Variants in CES5A observed in about 807,000 individuals in gnomAD.
CES5A encodes carboxylesterase 5.
CES5A carries 67 observed loss-of-function variants against 62.9 expected under a neutral mutation model. That is an observed-to-expected ratio of 1.07 (90% CI 0.88 to 1.31). The LOEUF (loss-of-function observed/expected upper bound fraction) is 1.31. Among genes scored for constraint, CES5A ranks in the 50% most tolerant of loss-of-function variants. CES5A has a pLI of 0.00. For synonymous variants in CES5A, 296 were observed against 280.8 expected, an observed-to-expected ratio of 1.05 and a Z score of -0.54; for missense variants, 748 against 708.5, an observed-to-expected ratio of 1.06 and a Z score of -0.63.
chr16:55,871,959 A>C, intron 2 of CES5A, 196 bp from the exon 3 acceptor site: 1 of 548,340 alleles, frequency 1.8e-6, no homozygotes, highest in Non-Finnish European at 3.3e-6. Flanking sequence ...TATAATTCTC[A>C]TTGATCTGGT....
chr16:55,867,934 C>T (rs572569385), intron 4 of CES5A, among the ~76,000 whole-genome samples: 1 of 152,312 alleles, frequency 6.6e-6, no homozygotes, highest in East Asian at 1.9e-4. Context: ...CAAGACAGTG[C>T]CTCCCAGTGG....
chr16:55,944,230 C>T lies in CES5A; in HGVS notation c.160+5555G>A, dbSNP rs3859110. 3.9e-3 allele frequency: 2,456 copies of T among 634,184 alleles called. 33 individuals carry two copies. The highest frequency in any genetic ancestry group is 0.021 in the African/African-American group (1,154 of 55,130). The allele number at this position is 634,184 out of a possible 1,614,324, so 39.3% of individuals were successfully genotyped here. ...GACAGTACGACTCTGAACAAGACCC[C>T]TCTCCTCCAGGGACTTTTTGCCTCA... On this transcript the variant is annotated intron_variant, in intron 2 of 13. Transcript: ENST00000521992.
upstream of CES5A, among the ~76,000 whole-genome samples, chr16:55,877,406 A>C (rs1567337658): frequency 6.6e-6 from 1 of 151,016 alleles, no homozygotes; most frequent in Non-Finnish European, 1.5e-5. Context: ...ACATGTATAC[A>C]TATGTGTGTG....
intron 2 of CES5A, among the ~76,000 whole-genome samples, chr16:55,939,333 C>T (rs978792266): frequency 6.6e-6 from 1 of 152,144 alleles, no homozygotes; most frequent in Admixed American, 6.5e-5. Flanking sequence ...ACTCACATCT[C>T]ATGAACTAAG....
Position 55,846,477 on chromosome 16 carries a change from G to A in CES5A, c.1702C>T (p.Pro568Ser), listed in dbSNP as rs539590082. The change falls in exon 13 of 13, where the codon CCT (proline) becomes TCT (serine). Residue 568 changes from proline (P) to serine (S), a missense_variant. Pro to Ser is a moderately conservative substitution (Grantham distance 74). Transcript: ENST00000290567. ...CAAGGAGCACAAAAGAAAAAGAAAG[G>A]CTGGAGGAGAGAGAGGAAAGTTAAG... ...SSLTFLSLLQPFFFFCAP is the reference protein window; with the variant it reads ...SSLTFLSLLQSFFFFCAP 1.2e-6 allele frequency: 2 copies of A among 1,613,764 alleles called. No homozygotes were observed. The highest frequency in any genetic ancestry group is 1.7e-6 in the Non-Finnish European group (2 of 1,179,700).
rs76802432 is a variant in CES5A, at chr16:55,872,556, A to G, written c.279-793T>C. On this transcript the variant is annotated intron_variant, in intron 2 of 12. Coordinates refer to ENST00000290567, the MANE Select transcript of CES5A (RefSeq NM_001143685.2). The stretch of plus-strand genomic sequence containing the variant: ...AGAGCACCAGCACAGAGCATGATAC[A>G]CCGTAAGATTAAGCAAGGCTGTAAA... 9.3e-3 allele frequency among the ~76,000 whole-genome samples: 1,412 copies of G among 152,302 alleles called. 27 individuals are homozygous for G. Among genetic ancestry groups the G allele is most frequent in the African/African-American group, 0.031 (1,307 of 41,562 alleles).
At chr16:55,897,476 C>T (rs944180662) in intron 1 of CES5A, among the ~76,000 whole-genome samples, 1 of 152,130 alleles carries the variant, frequency 6.6e-6, no homozygotes, top group African/African-American at 2.4e-5. Context: ...GAATACTTGG[C>T]CTTTCTTGTC....
rs2033087620 is a variant in CES5A, at chr16:55,849,649, G to T, written c.1398C>A (p.Phe466Leu). The change falls in exon 11 of 13, where the codon TTC (phenylalanine) becomes TTA (leucine). Residue 466 changes from phenylalanine (F) to leucine (L), a missense_variant. Transcript: ENST00000290567. ...DEVRFVFGGAFLKGDIVMFEG... is the reference protein window; with the variant it reads ...DEVRFVFGGALLKGDIVMFEG... ...CGAACATAACAATGTCCCCCTTCAG[G>T]AAGGCACCACCGAACACAAAGCGGA... The T allele has an allele frequency of 6.2e-7, 1 of 1,613,842 alleles. No homozygotes were observed. Among genetic ancestry groups the T allele is most frequent in the African/African-American group, 1.3e-5 (1 of 74,902 alleles).
At chr16:55,951,880 C>T (rs1490682397) in intron 1 of CES5A, among the ~76,000 whole-genome samples, 1 of 152,124 alleles carries the variant, frequency 6.6e-6, no homozygotes, top group Non-Finnish European at 1.5e-5. Context: ...TCAGAAATCA[C>T]CCAATCAAAT....
Position 55,882,624 on chromosome 16 carries a change from G to A in CES5A, c.-255-8587C>T, listed in dbSNP as rs561087117. ...GGTCTTTCATGTGATCTGGAATTTG[G>A]GCTAGAGCCACATGTCTAGGTGTGG... On this transcript the variant is annotated intron_variant, in intron 1 of 12. Transcript: ENST00000518005. Among the ~76,000 whole-genome samples the A allele has an allele frequency of 1.8e-3, 278 of 152,288 alleles. 2 individuals carry two copies. The highest frequency in any genetic ancestry group is 6.6e-3 in the African/African-American group (273 of 41,560).
In CES5A at chr16:55,881,037, C is replaced by T. The variant is rs550277013; in HGVS notation, c.-255-7000G>A. ...ACAGGGAATGATTGAGACCCTGAGA[C>T]GTGGAATTGGGACATCTGGATGGAT... On this transcript the variant is annotated intron_variant, in intron 1 of 12. Transcript: ENST00000518005. Among the ~76,000 whole-genome samples the T allele has an allele frequency of 2.6e-5, 4 of 152,244 alleles. No individual in the cohort carries two copies. In the East Asian group the frequency reaches 5.8e-4, roughly 22 times the overall value.
chr16:55,944,272 A>T (rs2034472304), intron 2 of CES5A: 1 of 606,332 alleles, frequency 1.6e-6, no homozygotes, highest in Non-Finnish European at 2.9e-6. Context: ...AAATGGAGTT[A>T]ATGGCCCCTG....
chr16:55,867,856 C>T (rs1191090091), intron 4 of CES5A, among the ~76,000 whole-genome samples: 6 of 152,190 alleles, frequency 3.9e-5, no homozygotes, highest in Non-Finnish European at 8.8e-5. Context: ...AGAAAATAAG[C>T]ATGTCATATT....
Position 55,861,445 on chromosome 16 carries a change from TG to T in CES5A, c.881del (p.Thr294LysfsTer8). 1 of 1,613,978 alleles carries T rather than the reference TG, an allele frequency of 6.2e-7. No homozygotes were observed. The highest frequency in any genetic ancestry group is 8.5e-7 in the Non-Finnish European group (1 of 1,179,844). ...GGGTCAGCAGCTCCTTGGAGGGTTT[TG>T]TCCTCAGGCACCTCAGCAGGGCCTC... is the stretch of plus-strand genomic sequence containing the variant. ...DSEALLRCLR[T>X]KPSKELLTLS... is the part of the protein sequence containing the mutation. On this transcript the variant is annotated frameshift_variant, in exon 7 of 13. Coordinates refer to ENST00000290567, the MANE Select transcript of CES5A (RefSeq NM_001143685.2). LOFTEE classifies it high-confidence loss of function.
rs184498593 is a variant in CES5A at position 55,912,772 on chromosome 16, C to T, written c.-256+12551G>A. Among the ~76,000 whole-genome samples, 25 of 152,232 alleles carry T rather than the reference C, an allele frequency of 1.6e-4. No homozygotes were observed. In the East Asian group the frequency reaches 3.1e-3, roughly 19 times the overall value. ...GGAAGAAAAAGCACAGACTCACAGA[C>T]GCCTAGAACTGGAAGAGACACAATC... is the stretch of plus-strand genomic sequence containing the variant. On this transcript the variant is annotated intron_variant, in intron 1 of 12. Coordinates refer to the CES5A transcript ENST00000518005.
intron 2 of CES5A, among the ~76,000 whole-genome samples, chr16:55,941,981 T>G (rs1410002803): frequency 6.6e-6 from 1 of 152,164 alleles, no homozygotes; most frequent in African/African-American, 2.4e-5. Context: ...GTCAGTTCAC[T>G]GGCGAAAAGA....
chr16:55,903,948 C>A (rs1005574268), intron 1 of CES5A, among the ~76,000 whole-genome samples: 9 of 152,162 alleles, frequency 5.9e-5, no homozygotes, highest in African/African-American at 1.9e-4. Flanking sequence ...GAAGTTATTA[C>A]AATCATTAAC....
At chr16:55,869,925 C>T (rs1390261538) in intron 3 of CES5A, among the ~76,000 whole-genome samples, 181 bp from the exon 4 acceptor site, 4 of 152,210 alleles carry the variant, frequency 2.6e-5, no homozygotes, top group Non-Finnish European at 5.9e-5. Flanking sequence ...CTGAGTGCCT[C>T]GATTTGACTC....
At chr16:55,850,419 C>T (rs1202796177) in intron 10 of CES5A, among the ~76,000 whole-genome samples, 1 of 152,224 alleles carries the variant, frequency 6.6e-6, no homozygotes, top group Non-Finnish European at 1.5e-5. Context: ...CACAATTCTA[C>T]TTTCTGTGTC....
Sources: allele counts gnomAD v4.1 joint callset (sites outside exome capture counted in the v4.1 genomes callset), GRCh38; gene constraint gnomAD v4.1.1; transcripts MANE v1.5; gene names NCBI Gene and HGNC (gene_info 2026-07-23, HGNC 2026-07-21).